The following CACNG4 variants were observed in gnomAD, a reference collection of about 807,000 sequenced individuals.
CACNG4 encodes calcium voltage-gated channel auxiliary subunit gamma 4.
A neutral mutation model predicts 22.9 loss-of-function variants in CACNG4; 8 were observed. That is an observed-to-expected ratio of 0.35 (90% CI 0.21 to 0.63). CACNG4 has a LOEUF of 0.63. Ranked by LOEUF, CACNG4 falls within the 30% of genes least tolerant of loss-of-function variation. The pLI is 0.72. For missense variants in CACNG4, 357 were observed against 455.4 expected, an observed-to-expected ratio of 0.78 and a Z score of 1.97; for synonymous variants, 188 against 191.9, an observed-to-expected ratio of 0.98 and a Z score of 0.17.
chr17:66,976,425 A>C (rs1172784672), intron 1 of CACNG4, among the ~76,000 whole-genome samples: 12 of 89,706 alleles, frequency 1.3e-4, no homozygotes, highest in African/African-American at 2.3e-4. Context: ...TCCCACCTCC[A>C]TCCCTCTCTC....
At chr17:66,973,310 A>G (rs910111015) in intron 1 of CACNG4, among the ~76,000 whole-genome samples, 6 of 151,650 alleles carry the variant, frequency 4.0e-5, no homozygotes, top group African/African-American at 1.2e-4. Context: ...ATGACCTGGC[A>G]TATGCTTTAG....
chr17:66,981,808 T>C (rs80207608), intron 1 of CACNG4, among the ~76,000 whole-genome samples: 3,874 of 152,310 alleles, frequency 0.025, 148 homozygotes, highest in African/African-American at 0.089. Flanking sequence ...TTAGGTATTA[T>C]CTCAAGAACT....
chr17:66,966,197 C>T (rs2035170079), intron 1 of CACNG4, among the ~76,000 whole-genome samples: 2 of 152,104 alleles, frequency 1.3e-5, no homozygotes, highest in African/African-American at 2.4e-5. Context: ...GCCCTTCTGC[C>T]CGGCTGCGGA....
Position 67,030,718 on chromosome 17 carries a change from T to A in CACNG4, c.698T>A (p.Met233Lys). 7.4e-6 allele frequency: 12 copies of A among 1,614,248 alleles called. No homozygotes were observed. Among genetic ancestry groups the A allele is most frequent in the Non-Finnish European group, 1.0e-5 (12 of 1,180,046 alleles). The change falls in exon 4 of 4, where the codon ATG (methionine) becomes AAG (lysine). Residue 233 changes from methionine (M) to lysine (K), a missense_variant. Met to Lys is a moderately conservative substitution (Grantham distance 95). Transcript: ENST00000262138. The surrounding 1 kb of genome is among the most constrained non-coding windows in gnomAD (Gnocchi z 6.4). Reference sequence around the variant, plus strand: ...TCTTCCTCTTCTCCTTATGCCAGGATGCCGAGCTACAGGTACCGGCGACGG... The same window carrying A: ...TCTTCCTCTTCTCCTTATGCCAGGAAGCCGAGCTACAGGTACCGGCGACGG... ...KASSSSPYAR[M>K]PSYRYRRRRS...
At chr17:67,014,436 A>T (rs1204558847) in intron 1 of CACNG4, among the ~76,000 whole-genome samples, 1 of 152,194 alleles carries the variant, frequency 6.6e-6, no homozygotes, top group Non-Finnish European at 1.5e-5. Flanking sequence ...GTGAAAAAAA[A>T]ATCCTAGGAG....
At chr17:67,029,591 G>A (rs962122567) in intron 3 of CACNG4, among the ~76,000 whole-genome samples, 10 of 152,280 alleles carry the variant, frequency 6.6e-5, no homozygotes, top group East Asian at 5.8e-4. Context: ...CCGAGATCGC[G>A]CCACTGCACT....
intron 3 of CACNG4, 34 bp downstream of exon 3, chr17:67,025,034 G>C: frequency 6.5e-7 from 1 of 1,548,574 alleles, no homozygotes; most frequent in South Asian, 1.2e-5. Context: ...GCTGGGCCGG[G>C]AGCTGGGGAC....
chr17:67,008,884 A>T (rs1598117299), intron 1 of CACNG4, among the ~76,000 whole-genome samples: 1 of 152,048 alleles, frequency 6.6e-6, no homozygotes, highest in African/African-American at 2.4e-5. Context: ...TGGAGGTGGA[A>T]GTTGCAGTGA....
At chr17:67,023,270 CTTTTTTTTTT>C (rs3043068) in intron 2 of CACNG4, among the ~76,000 whole-genome samples, 6 of 79,784 alleles carry the variant, frequency 7.5e-5, no homozygotes, top group African/African-American at 1.5e-4. Context: ...AAGACCTCTT[CTTTTTTTTTT>C]TTTTTTTTTT....
intron 1 of CACNG4, among the ~76,000 whole-genome samples, chr17:66,976,282 G>T (rs1186013326): frequency 6.6e-6 from 1 of 152,050 alleles, no homozygotes; most frequent in African/African-American, 2.4e-5. Context: ...GGTTTGCTCG[G>T]CTGTCAAATT....
chr17:67,010,933 C>T (rs2035464551), intron 1 of CACNG4, among the ~76,000 whole-genome samples: 1 of 152,188 alleles, frequency 6.6e-6, no homozygotes, highest in South Asian at 2.1e-4. Context: ...GAGACACAGA[C>T]ATGGTCCATT....
chr17:66,975,582 A>G (rs1369954132), intron 1 of CACNG4, among the ~76,000 whole-genome samples: 1 of 152,138 alleles, frequency 6.6e-6, no homozygotes, highest in African/African-American at 2.4e-5. Context: ...AGATATTCAA[A>G]ACATATCATC....
intron 1 of CACNG4, among the ~76,000 whole-genome samples, chr17:66,987,889 G>C (rs1443957398): frequency 6.6e-6 from 1 of 152,048 alleles, no homozygotes; most frequent in Non-Finnish European, 1.5e-5. Flanking sequence ...AGAGCTTACT[G>C]TTGGTCTCTG....
At chr17:67,022,282 C>T (rs1567759172) in intron 2 of CACNG4, among the ~76,000 whole-genome samples, 2 of 152,080 alleles carry the variant, frequency 1.3e-5, no homozygotes, top group African/African-American at 4.8e-5. Context: ...ACAATGTTGG[C>T]CAGGCTGGTC....
At chr17:67,025,816 G>A (rs1029656501) in intron 3 of CACNG4, among the ~76,000 whole-genome samples, 7 of 152,212 alleles carry the variant, frequency 4.6e-5, no homozygotes, top group South Asian at 2.1e-4. Context: ...GATGACTTCC[G>A]TTCACATCCT....
At chr17:66,974,576 A>G (rs2035224461) in intron 1 of CACNG4, among the ~76,000 whole-genome samples, 1 of 152,130 alleles carries the variant, frequency 6.6e-6, no homozygotes, top group Non-Finnish European at 1.5e-5. Flanking sequence ...CCCAGCACAT[A>G]TCTATGGATG....
intron 1 of CACNG4, among the ~76,000 whole-genome samples, chr17:67,011,884 C>A (rs2035470544): frequency 6.6e-6 from 1 of 152,160 alleles, no homozygotes; most frequent in Admixed American, 6.5e-5. Context: ...TCCCTGGCTT[C>A]CACAGCCCCA....
rs1475809202 is a variant in CACNG4 at position 67,031,692 on chromosome 17, T to A, written c.*688T>A. On this transcript the variant is annotated 3_prime_UTR_variant, in exon 4 of 4. Coordinates refer to ENST00000262138, the MANE Select transcript of CACNG4 (RefSeq NM_014405.4). This position sits in a 1 kb window ranked among gnomAD's most constrained non-coding sequence, Gnocchi z 4.0. Reference sequence around the variant, plus strand: ...AGGCCCAGGTAAAGGCTGGGGGCTGTTGCTGGCTATCCTCTTTGCTTCTGG... The same window carrying A: ...AGGCCCAGGTAAAGGCTGGGGGCTGATGCTGGCTATCCTCTTTGCTTCTGG... 2.2e-6 allele frequency: 1 copy of A among 456,628 alleles called. No individual in the cohort carries two copies. The highest frequency in any genetic ancestry group is 6.9e-5 in the East Asian group (1 of 14,400). 28.3% of individuals were successfully genotyped at this position (456,628 alleles called of 1,614,324 possible).
chr17:67,026,698 G>T (rs1038436132), intron 3 of CACNG4, among the ~76,000 whole-genome samples: 1 of 149,366 alleles, frequency 6.7e-6, no homozygotes, highest in Non-Finnish European at 1.5e-5. Context: ...TGAGGACTAT[G>T]GTATATGTGT....
Sources: allele counts gnomAD v4.1 joint callset (sites outside exome capture counted in the v4.1 genomes callset), GRCh38; gene constraint gnomAD v4.1.1; non-coding constraint Gnocchi (gnomAD v3.1); transcripts MANE v1.5; gene names NCBI Gene and HGNC (gene_info 2026-07-23, HGNC 2026-07-21).